The following RNF216 variants were observed in gnomAD, a reference collection of about 807,000 sequenced individuals.
The protein encoded by RNF216 is ring finger protein 216, also known as E3 ubiquitin-protein ligase RNF216.
RNF216 carries 72 observed loss-of-function variants against 110.8 expected under a neutral mutation model. The observed-to-expected ratio is 0.65, with a 90% CI of 0.54 to 0.79. The LOEUF is 0.79. Ranked by LOEUF, RNF216 falls within the 30% of genes least tolerant of loss-of-function variation. The pLI, the probability that RNF216 is intolerant of heterozygous loss-of-function variation, is 0.00. For missense variants in RNF216, 1,342 were observed against 1,141.2 expected (o/e 1.18, Z -2.54); for synonymous variants, 495 against 407.5 (o/e 1.21, Z -2.59).
chr7:5,744,448 G>A (rs1794925842), intron 3 of RNF216, among the ~76,000 whole-genome samples: 1 of 152,048 alleles, frequency 6.6e-6, no homozygotes, highest in Admixed American at 6.6e-5. Flanking sequence ...AGAGGAGGAG[G>A]AAGGAAAACA....
At chr7:5,661,203 G>C (rs1371597862) in intron 13 of RNF216, among the ~76,000 whole-genome samples, 1 of 152,098 alleles carries the variant, frequency 6.6e-6, no homozygotes, top group Non-Finnish European at 1.5e-5. Context: ...GCCTCCCAAA[G>C]TGCTGGGATT....
At position 5,654,776 on chromosome 7, in the gene RNF216, G is replaced by A. The variant is rs528358675; in HGVS notation, c.2062-2266C>T. 3.4e-5 allele frequency among the ~76,000 whole-genome samples: 5 copies of A among 146,892 alleles called. 1 individual carries two copies. The highest frequency in any genetic ancestry group is 4.2e-4 in the East Asian group (2 of 4,814). On this transcript the variant is annotated intron_variant, in intron 13 of 16. Coordinates refer to ENST00000389902, the MANE Select transcript of RNF216 (RefSeq NM_207111.4). The stretch of plus-strand genomic sequence containing the variant: ...GAGCTGACAGGACATACATTTAAAC[G>A]CACTGCTTCCGAGGGATGCGGATAT...
At chr7:5,675,737 T>C (rs914327631) in intron 13 of RNF216, among the ~76,000 whole-genome samples, 2 of 144,572 alleles carry the variant, frequency 1.4e-5, no homozygotes, top group Admixed American at 6.7e-5. Context: ...GAGGTGGAGT[T>C]TCGCTCTTGT....
At chr7:5,655,557 G>T (rs1788686273) in intron 13 of RNF216, among the ~76,000 whole-genome samples, 2 of 152,020 alleles carry the variant, frequency 1.3e-5, no homozygotes, top group East Asian at 3.9e-4. Context: ...AGTGAGCAGA[G>T]ATCGCACCAC....
At position 5,749,291 on chromosome 7, in the gene RNF216, C is replaced by G. The variant is rs1214976878; in HGVS notation, c.201+3555G>C. Among the ~76,000 whole-genome samples, 4 of 151,854 alleles carry G rather than the reference C, an allele frequency of 2.6e-5. No individual in the cohort carries two copies. In the East Asian group the frequency reaches 7.7e-4, roughly 29 times the overall value. ...TCAGCCTCCTGAGTAGCTGGAATTA[C>G]AGGCACGTGCCACCATGCCTGGTTA... On this transcript the variant is annotated intron_variant, in intron 3 of 16. Transcript: ENST00000389902.
intron 13 of RNF216, among the ~76,000 whole-genome samples, chr7:5,670,874 G>A (rs1041614055): frequency 2.6e-5 from 4 of 152,160 alleles, no homozygotes; most frequent in Non-Finnish European, 5.9e-5. Flanking sequence ...CCTTTTTCAG[G>A]GGTGAGGGTC....
chr7:5,652,205 A>G (rs2128576764), intron 14 of RNF216, among the ~76,000 whole-genome samples: 2 of 152,318 alleles, frequency 1.3e-5, no homozygotes, highest in South Asian at 4.1e-4. Context: ...CCAGGCATTT[A>G]TATGTTAGTT....
Position 5,761,093 on chromosome 7 carries a change from T to C in RNF216, c.-24A>G, listed in dbSNP as rs777401363. The C allele has an allele frequency of 8.6e-6, 13 of 1,512,952 alleles. No homozygotes were observed. Among genetic ancestry groups the C allele is most frequent in the Admixed American group, 4.3e-5 (2 of 46,038 alleles). 93.7% of individuals were successfully genotyped at this position (1,512,952 alleles called of 1,614,324 possible). A position where few individuals can be genotyped will look rare whatever the true frequency, so the allele number is the denominator to read the frequency against. Reference sequence around the variant, plus strand: ...ATTTTCAAATGCAGACATGCATATATGGGACTGCTAATATCTAAACATGGT... The same window carrying C: ...ATTTTCAAATGCAGACATGCATATACGGGACTGCTAATATCTAAACATGGT... On this transcript the variant is annotated 5_prime_UTR_variant, in exon 2 of 17. Coordinates refer to ENST00000389902, the MANE Select transcript of RNF216 (RefSeq NM_207111.4).
rs1334630230 is a variant in RNF216 at position 5,741,727 on chromosome 7, T to C, written c.290A>G (p.Lys97Arg). ...DLKRLGEERP[K>R]KSRAAFESDK... ...TGATTCAAATGCTGCTCTAGACTTT[T>C]TAGGCCTTTCTTCTCCCAACCTTTT... Residue 97 changes from lysine (K) to arginine (R), a missense_variant, in exon 4 of 17, where the codon AAA becomes AGA. Coordinates refer to ENST00000389902, the MANE Select transcript of RNF216 (RefSeq NM_207111.4). The C allele has an allele frequency of 6.2e-7, 1 of 1,614,086 alleles. No individual in the cohort carries two copies. The highest frequency in any genetic ancestry group is 2.2e-5 in the East Asian group (1 of 44,890).
At chr7:5,673,380 T>C (rs1203860201) in intron 13 of RNF216, among the ~76,000 whole-genome samples, 4 of 152,130 alleles carry the variant, frequency 2.6e-5, no homozygotes, top group Admixed American at 6.5e-5. Flanking sequence ...GGAGAAAGCA[T>C]CTACAAGAAC....
chr7:5,754,001 T>A lies in RNF216; in HGVS notation c.68-1022A>T, dbSNP rs569188672. Among the ~76,000 whole-genome samples the A allele has an allele frequency of 1.9e-3, 287 of 151,490 alleles. 1 individual carries two copies. Among genetic ancestry groups the A allele is most frequent in the African/African-American group, 5.8e-3 (238 of 41,304 alleles). ...CAGAGTGAGACCCCATCTCAAATTT[T>A]AAAAAAAATGCATTAAGTGACCTAA... On this transcript the variant is annotated intron_variant, in intron 2 of 16. Coordinates refer to ENST00000389902, the MANE Select transcript of RNF216 (RefSeq NM_207111.4).
chr7:5,657,529 T>C (rs1788823634), intron 13 of RNF216, among the ~76,000 whole-genome samples: 1 of 151,784 alleles, frequency 6.6e-6, no homozygotes, highest in African/African-American at 2.4e-5. Flanking sequence ...ATCTTGCCAT[T>C]GCACTCCAGC....
At chr7:5,650,522 G>A (rs1397397341) in intron 14 of RNF216, among the ~76,000 whole-genome samples, 1 of 152,098 alleles carries the variant, frequency 6.6e-6, no homozygotes, top group Non-Finnish European at 1.5e-5. Context: ...TATGTTTGCT[G>A]CTCATTTGGG....
chr7:5,695,445 T>C (rs1003157935), intron 13 of RNF216, among the ~76,000 whole-genome samples: 11 of 152,194 alleles, frequency 7.2e-5, no homozygotes, highest in Admixed American at 2.6e-4. Flanking sequence ...TGGCTGCTGC[T>C]GCCTCGGAGC....
intron 2 of RNF216, among the ~76,000 whole-genome samples, chr7:5,756,673 T>G (rs1445615382): frequency 6.6e-6 from 1 of 152,166 alleles, no homozygotes; most frequent in Non-Finnish European, 1.5e-5. Context: ...CAGGCTAGAG[T>G]ACAATAGCAT....
At chr7:5,627,239 T>C (rs1786766932) in intron 15 of RNF216, among the ~76,000 whole-genome samples, 1 of 152,154 alleles carries the variant, frequency 6.6e-6, no homozygotes, top group South Asian at 2.1e-4. Flanking sequence ...CACTCAATGG[T>C]CCTCCTGGAG....
chr7:5,693,866 AAGG>A (rs1791475781), intron 13 of RNF216, among the ~76,000 whole-genome samples: 1 of 152,172 alleles, frequency 6.6e-6, no homozygotes, highest in African/African-American at 2.4e-5. Context: ...TCTGGCCAAC[AAGG>A]AGATGCTATT....
At chr7:5,707,011 G>A (rs1329962625) in intron 13 of RNF216, among the ~76,000 whole-genome samples, 6 of 152,222 alleles carry the variant, frequency 3.9e-5, no homozygotes, top group African/African-American at 1.4e-4. Flanking sequence ...TCAGTTTACA[G>A]AGCACCATTA....
At chr7:5,732,100 A>G (rs1184415760) in intron 5 of RNF216, among the ~76,000 whole-genome samples, 12 of 152,172 alleles carry the variant, frequency 7.9e-5, no homozygotes. Flanking sequence ...CAAAGAGAGG[A>G]AAAAAAGCAG....
Sources: gnomAD v4.1 joint callset for allele counts (sites outside exome capture counted in the v4.1 genomes callset) on GRCh38, gnomAD v4.1.1 for gene constraint, MANE v1.5 for transcripts, NCBI Gene and HGNC (gene_info 2026-07-23, HGNC 2026-07-21) for gene names.